Variants in CTNND2 observed in about 807,000 individuals in gnomAD.
CTNND2 encodes the protein catenin delta 2.
CTNND2 carries 22 observed loss-of-function variants against 144.4 expected under a neutral mutation model. The observed-to-expected ratio is 0.15, with a 90% CI of 0.11 to 0.22. The LOEUF (loss-of-function observed/expected upper bound fraction) is 0.22, where lower values mean the gene tolerates loss of function less well. Ranked by LOEUF, CTNND2 falls within the 10% of genes least tolerant of loss-of-function variation. CTNND2 has a pLI of 1.00. For missense variants in CTNND2, 1,353 were observed against 1,618.8 expected (o/e 0.84, Z 2.82); for synonymous variants, 751 against 695.6 (o/e 1.08, Z -1.25).
At chr5:11,743,623 A>G (rs1013512843) in intron 1 of CTNND2, among the ~76,000 whole-genome samples, 1 of 152,206 alleles carries the variant, frequency 6.6e-6, no homozygotes, top group Non-Finnish European at 1.5e-5. Flanking sequence ...AGACAAAGGC[A>G]GGAGGCAGAG....
chr5:11,108,120 A>G (rs1020689132), intron 14 of CTNND2, among the ~76,000 whole-genome samples: 5 of 152,226 alleles, frequency 3.3e-5, no homozygotes, highest in Non-Finnish European at 2.9e-5. Flanking sequence ...GTTTACTTGA[A>G]AGAAGTCTTG....
At chr5:11,382,585 G>A (rs1758603993) in intron 7 of CTNND2, among the ~76,000 whole-genome samples, 1 of 147,758 alleles carries the variant, frequency 6.8e-6, no homozygotes, top group African/African-American at 2.5e-5. Flanking sequence ...GCAACCGACA[G>A]AGTGAGACTC....
At chr5:11,155,928 A>G (rs1397281444) in intron 12 of CTNND2, among the ~76,000 whole-genome samples, 1 of 152,206 alleles carries the variant, frequency 6.6e-6, no homozygotes, top group African/African-American at 2.4e-5. Context: ...AAGATTCTCC[A>G]TTCCTTTCTA....
chr5:11,105,981 G>A (rs923398631), intron 14 of CTNND2, among the ~76,000 whole-genome samples: 1 of 152,052 alleles, frequency 6.6e-6, no homozygotes. Flanking sequence ...TTACTAATGA[G>A]AAAATGAAAA....
chr5:11,212,351 T>C (rs549705412), intron 10 of CTNND2, among the ~76,000 whole-genome samples: 37 of 152,280 alleles, frequency 2.4e-4, no homozygotes, highest in African/African-American at 8.4e-4. Context: ...CTGGAAGAAA[T>C]ACCAGCTGAA....
intron 1 of CTNND2, among the ~76,000 whole-genome samples, chr5:11,833,381 T>A (rs886984370): frequency 6.6e-6 from 1 of 152,024 alleles, no homozygotes; most frequent in East Asian, 1.9e-4. Context: ...CAAAAGACTA[T>A]GTATAGCATG....
intron 9 of CTNND2, among the ~76,000 whole-genome samples, chr5:11,324,534 T>C (rs1292679792): frequency 3.9e-5 from 6 of 152,252 alleles, no homozygotes; most frequent in African/African-American, 1.4e-4. Context: ...TTCACTTGTA[T>C]TCACAATCTG....
chr5:11,438,044 T>A (rs61755479), intron 3 of CTNND2, among the ~76,000 whole-genome samples: 4,093 of 152,220 alleles, frequency 0.027, 198 homozygotes, highest in African/African-American at 0.093. Flanking sequence ...AACCTGATGA[T>A]CTAACCTAAA....
chr5:11,053,520 C>G (rs953912780), intron 16 of CTNND2, among the ~76,000 whole-genome samples: 1 of 152,106 alleles, frequency 6.6e-6, no homozygotes, highest in Non-Finnish European at 1.5e-5. Flanking sequence ...TCTTTTCTGG[C>G]GTGCACCATT....
At chr5:11,287,529 T>C (rs574099701) in intron 9 of CTNND2, among the ~76,000 whole-genome samples, 1 of 152,368 alleles carries the variant, frequency 6.6e-6, no homozygotes, top group South Asian at 2.1e-4. Context: ...AAGGTGCCAA[T>C]GTTTAAAACA....
intron 2 of CTNND2, among the ~76,000 whole-genome samples, chr5:11,679,507 C>T (rs977264458): frequency 1.3e-5 from 2 of 152,204 alleles, no homozygotes; most frequent in African/African-American, 4.8e-5. Flanking sequence ...GTAATATAGT[C>T]TAGGAATTGT....
intron 12 of CTNND2, among the ~76,000 whole-genome samples, chr5:11,120,032 T>C (rs1305464457): frequency 1.3e-5 from 2 of 152,234 alleles, no homozygotes; most frequent in Non-Finnish European, 2.9e-5. Flanking sequence ...AAGTTGTCAA[T>C]ACTAATCTTA....
intron 1 of CTNND2, among the ~76,000 whole-genome samples, chr5:11,860,039 A>T (rs1279408982): frequency 2.0e-5 from 3 of 152,240 alleles, no homozygotes; most frequent in Non-Finnish European, 4.4e-5. Context: ...ACAACTGTCA[A>T]TCATATTCAT....
At chr5:11,552,124 T>C (rs1561546411) in intron 3 of CTNND2, among the ~76,000 whole-genome samples, 1 of 152,152 alleles carries the variant, frequency 6.6e-6, no homozygotes, top group Non-Finnish European at 1.5e-5. Context: ...ATCGTAGTCA[T>C]CCCTGAAGCA....
intron 3 of CTNND2, among the ~76,000 whole-genome samples, chr5:11,506,470 G>A (rs1457592060): frequency 6.6e-6 from 1 of 152,194 alleles, no homozygotes; most frequent in East Asian, 1.9e-4. Flanking sequence ...GGATGAACAA[G>A]TCTGGAGAGG....
At chr5:11,785,390 C>T (rs1372675097) in intron 1 of CTNND2, among the ~76,000 whole-genome samples, 3 of 152,016 alleles carry the variant, frequency 2.0e-5, no homozygotes, top group Non-Finnish European at 4.4e-5. Flanking sequence ...GATTTTTGAA[C>T]AAAATAACCA....
intron 7 of CTNND2, among the ~76,000 whole-genome samples, chr5:11,380,901 A>C (rs1024789291): frequency 3.9e-5 from 6 of 152,194 alleles, no homozygotes; most frequent in Non-Finnish European, 5.9e-5. Context: ...CCACTTTCTA[A>C]TGGCTACATG....
chr5:11,577,950 T>C (rs1778092818), intron 2 of CTNND2, among the ~76,000 whole-genome samples: 1 of 152,296 alleles, frequency 6.6e-6, no homozygotes. Context: ...TCCCTAAATG[T>C]CCCTGTCAAC....
chr5:11,781,478 G>C (rs149166371), intron 1 of CTNND2, among the ~76,000 whole-genome samples: 4 of 152,254 alleles, frequency 2.6e-5, no homozygotes, highest in Non-Finnish European at 4.4e-5. Flanking sequence ...TCCCCCAGGA[G>C]TCTGACTTTT....
Sources: gnomAD v4.1 joint callset for allele counts (sites outside exome capture counted in the v4.1 genomes callset) on GRCh38, gnomAD v4.1.1 for gene constraint, MANE v1.5 for transcripts, NCBI Gene and HGNC (gene_info 2026-07-23, HGNC 2026-07-21) for gene names.